The following CAMKMT variants were observed in gnomAD, a reference collection of about 807,000 sequenced individuals.
CAMKMT encodes the protein CaM KMT.
Under a neutral mutation model 48.0 loss-of-function variants are expected in CAMKMT, and 53 were observed. The observed-to-expected ratio is 1.10, with a 90% CI of 0.89 to 1.39. The LOEUF (loss-of-function observed/expected upper bound fraction) is 1.39, where lower values mean the gene tolerates loss of function less well. Among genes scored for constraint, CAMKMT ranks in the 40% most tolerant of loss-of-function variants. The pLI, the probability that CAMKMT is intolerant of heterozygous loss-of-function variation, is 0.00. For missense variants in CAMKMT, 428 were observed against 402.7 expected (o/e 1.06, Z -0.54); for synonymous variants, 165 against 152.3 (o/e 1.08, Z -0.61).
intron 3 of CAMKMT, among the ~76,000 whole-genome samples, chr2:44,675,075 T>A (rs1675594621): frequency 6.9e-6 from 1 of 145,782 alleles, no homozygotes; most frequent in African/African-American, 2.6e-5. Flanking sequence ...TTTACCAACC[T>A]TAAGGGGGGG....
chr2:44,390,322 C>T lies in CAMKMT; in HGVS notation c.376+17C>T. 1 of 1,533,956 alleles carries T rather than the reference C, an allele frequency of 6.5e-7. No homozygotes were observed. Among genetic ancestry groups the T allele is most frequent in the Non-Finnish European group, 8.9e-7 (1 of 1,120,294 alleles). ...GAAATGTTTGTAAGTTATACATTCA[C>T]TCTATAGAAATATATTTAGTGTTTT... is the stretch of plus-strand genomic sequence containing the variant. On this transcript the variant is annotated intron_variant, in intron 3 of 10. Coordinates refer to ENST00000378494, the MANE Select transcript of CAMKMT (RefSeq NM_024766.5).
intron 3 of CAMKMT, among the ~76,000 whole-genome samples, chr2:44,511,350 G>A (rs773680537): frequency 2.0e-5 from 3 of 152,108 alleles, no homozygotes; most frequent in Non-Finnish European, 4.4e-5. Flanking sequence ...GTACAATGGC[G>A]CCATCTCGGC....
intron 3 of CAMKMT, among the ~76,000 whole-genome samples, chr2:44,659,060 T>TTG (rs149216364): frequency 0.022 from 3,232 of 149,432 alleles, 148 homozygotes; most frequent in African/African-American, 0.078. Context: ...AAAACCACTT[T>TTG]TGTGTGTGTG....
At chr2:44,537,955 A>G (rs1572744219) in intron 3 of CAMKMT, among the ~76,000 whole-genome samples, 1 of 152,238 alleles carries the variant, frequency 6.6e-6, no homozygotes, top group Admixed American at 6.5e-5. Context: ...ACTACTGGGT[A>G]TCTACCCAAC....
At position 44,653,541 on chromosome 2, in the gene CAMKMT, C is replaced by G. The variant is rs186041970; in HGVS notation, c.377-50742C>G. Among the ~76,000 whole-genome samples the G allele has an allele frequency of 3.0e-3, 450 of 152,224 alleles. 1 individual carries two copies. Among genetic ancestry groups the G allele is most frequent in the African/African-American group, 0.01 (435 of 41,548 alleles). On this transcript the variant is annotated intron_variant, in intron 3 of 10. Coordinates refer to ENST00000378494, the MANE Select transcript of CAMKMT (RefSeq NM_024766.5). The surrounding 1 kb of genome is among the most constrained non-coding windows in gnomAD (Gnocchi z 5.2). ...GCAGAGCTAGGACTAGACTTCACCT[C>G]TTTAGAGCCCATTTCTCTTATACTC...
chr2:44,421,077 T>C (rs1683907492), intron 3 of CAMKMT, among the ~76,000 whole-genome samples: 1 of 152,100 alleles, frequency 6.6e-6, no homozygotes, highest in East Asian at 1.9e-4. Flanking sequence ...TATTGAGAAG[T>C]GATTTTTAAT....
chr2:44,666,718 C>T (rs1417452066), intron 3 of CAMKMT, among the ~76,000 whole-genome samples: 2 of 151,252 alleles, frequency 1.3e-5, no homozygotes, highest in Non-Finnish European at 2.9e-5. Flanking sequence ...TCAAGGGATT[C>T]TCCTGCCTCA....
intron 3 of CAMKMT, among the ~76,000 whole-genome samples, chr2:44,462,192 CAT>C (rs1353599816): frequency 1.3e-5 from 2 of 151,614 alleles, no homozygotes; most frequent in East Asian, 3.9e-4. Context: ...CAGGACAACT[CAT>C]GTAGAAAATT....
chr2:44,588,724 C>T lies in CAMKMT; in HGVS notation c.377-115559C>T, dbSNP rs111294870. Among the ~76,000 whole-genome samples, 8 of 42,698 alleles carry T rather than the reference C, an allele frequency of 1.9e-4. 1 individual carries two copies. The highest frequency in any genetic ancestry group is 2.9e-4 in the Non-Finnish European group (6 of 20,676). The allele number at this position is 42,698 out of a possible 152,430, so 28.0% of individuals were successfully genotyped here. On this transcript the variant is annotated intron_variant, in intron 3 of 10. Coordinates refer to ENST00000378494, the MANE Select transcript of CAMKMT (RefSeq NM_024766.5). The stretch of plus-strand genomic sequence containing the variant: ...GGGGATCAGCCCCCCGCCTGGCCAG[C>T]CGCCCCGTCCGGGAGGTGAGGGGCG...
chr2:44,760,339 T>C (rs1169812785), intron 9 of CAMKMT, among the ~76,000 whole-genome samples: 1 of 151,944 alleles, frequency 6.6e-6, no homozygotes, highest in Non-Finnish European at 1.5e-5. Context: ...TGTGAGAGTG[T>C]CTGTGGTTTT....
chr2:44,575,213 G>A (rs2103751340), intron 3 of CAMKMT, among the ~76,000 whole-genome samples: 1 of 152,126 alleles, frequency 6.6e-6, no homozygotes, highest in South Asian at 2.1e-4. Flanking sequence ...TGAGTAGCTG[G>A]AATTACAGGC....
intron 3 of CAMKMT, among the ~76,000 whole-genome samples, chr2:44,536,651 T>C (rs1335126300): frequency 6.6e-6 from 1 of 151,750 alleles, no homozygotes; most frequent in Non-Finnish European, 1.5e-5. Context: ...TTCGTAGAAA[T>C]AGAAAAAATA....
rs537128730 is a variant in CAMKMT at position 44,746,726 on chromosome 2, A to G, written c.698+3030A>G. ...TATTAGAATATTTAACCACAGGTGT[A>G]GAAAAAAAACCTGCCTATTAAGTTC... On this transcript the variant is annotated intron_variant, in intron 8 of 10. Transcript: ENST00000378494. Among the ~76,000 whole-genome samples, 3 of 152,362 alleles carry G rather than the reference A, an allele frequency of 2.0e-5. No individual in the cohort carries two copies. In the East Asian group the frequency reaches 5.8e-4, roughly 29 times the overall value.
At chr2:44,736,254 C>A (rs988812619) in intron 7 of CAMKMT, among the ~76,000 whole-genome samples, 3 of 152,102 alleles carry the variant, frequency 2.0e-5, no homozygotes, top group Non-Finnish European at 4.4e-5. Context: ...ATCTGTTTCA[C>A]CTTGTTTTGA....
chr2:44,384,267 A>G (rs1195502314), intron 2 of CAMKMT, among the ~76,000 whole-genome samples: 1 of 151,930 alleles, frequency 6.6e-6, no homozygotes, highest in East Asian at 1.9e-4. Flanking sequence ...GGCCATTTGT[A>G]TATCTTCTTT....
chr2:44,455,115 A>C (rs924026324), intron 3 of CAMKMT, among the ~76,000 whole-genome samples: 2 of 152,208 alleles, frequency 1.3e-5, no homozygotes, highest in African/African-American at 4.8e-5. Context: ...TCTCAGAATA[A>C]CTTGAGAAGA....
At chr2:44,393,630 T>A (rs1157517539) in intron 3 of CAMKMT, 1 of 152,234 alleles carries the variant, frequency 6.6e-6, no homozygotes, top group African/African-American at 2.4e-5. Context: ...ATTGATTCAT[T>A]GTGCCCAGAA....
intron 3 of CAMKMT, among the ~76,000 whole-genome samples, chr2:44,463,350 A>G (rs1667943647): frequency 6.6e-6 from 1 of 152,240 alleles, no homozygotes; most frequent in Admixed American, 6.5e-5. Context: ...GATCAAAGCC[A>G]TGAATAGTTC....
At chr2:44,670,679 A>G (rs1675274943) in intron 3 of CAMKMT, among the ~76,000 whole-genome samples, 1 of 152,066 alleles carries the variant, frequency 6.6e-6, no homozygotes, top group East Asian at 1.9e-4. Flanking sequence ...AAATAAATAA[A>G]TAATAAAAAT....
Sources: gnomAD v4.1 joint callset for allele counts (sites outside exome capture counted in the v4.1 genomes callset) on GRCh38, gnomAD v4.1.1 for gene constraint, Gnocchi (gnomAD v3.1) non-coding constraint, MANE v1.5 for transcripts, NCBI Gene and HGNC (gene_info 2026-07-23, HGNC 2026-07-21) for gene names.